The following TASP1 variants were observed in gnomAD, a reference collection of about 807,000 sequenced individuals.
TASP1 encodes the protein threonine aspartase 1.
TASP1 carries 16 observed loss-of-function variants against 56.6 expected under a neutral mutation model. That is an observed-to-expected ratio of 0.28 (90% CI 0.19 to 0.43). TASP1 has a LOEUF of 0.43. TASP1 is among the 20% of genes least tolerant of loss of function. The probability of loss-of-function intolerance (pLI) is 1.00; values close to 1 mark genes in which losing one functional copy is unlikely to be tolerated. For synonymous variants in TASP1, 179 were observed against 184.2 expected (o/e 0.97, Z 0.23); for missense variants, 393 against 511.6 (o/e 0.77, Z 2.24).
At chr20:13,477,069 C>T (rs1302039921) in intron 11 of TASP1, among the ~76,000 whole-genome samples, 1 of 152,012 alleles carries the variant, frequency 6.6e-6, no homozygotes, top group Non-Finnish European at 1.5e-5. Context: ...AAATGATGAT[C>T]ACAGAGGCTA....
At chr20:13,278,984 G>A in the TASP1 span, among the ~76,000 whole-genome samples, 1 of 152,216 alleles carries the variant, frequency 6.6e-6, no homozygotes, top group Non-Finnish European at 1.5e-5. Context: ...TAAGGCCTCT[G>A]TTAATACCTG....
chr20:13,619,706 T>C (rs547816854), intron 4 of TASP1, among the ~76,000 whole-genome samples: 7 of 152,318 alleles, frequency 4.6e-5, no homozygotes, highest in East Asian at 3.9e-4. Flanking sequence ...TCCAAATGTA[T>C]AGTCCCAAAT....
rs117083653 is a variant in TASP1 at position 13,483,574 on chromosome 20, G to A, written c.875-237C>T. Among the ~76,000 whole-genome samples the A allele has an allele frequency of 5.1e-3, 780 of 152,206 alleles. 4 individuals carry two copies. The highest frequency in any genetic ancestry group is 0.012 in the East Asian group (61 of 5,178). ...AAACCAATACAAATTAATATGATACGTAGTTCTCTGTTTAACTAGTATGTG... is the reference window on the plus strand; with the variant it reads ...AAACCAATACAAATTAATATGATACATAGTTCTCTGTTTAACTAGTATGTG... On this transcript the variant is annotated intron_variant, in intron 10 of 13. Coordinates refer to ENST00000337743, the MANE Select transcript of TASP1 (RefSeq NM_017714.3).
chr20:13,203,806 T>C, the TASP1 span, among the ~76,000 whole-genome samples: 1 of 152,232 alleles, frequency 6.6e-6, no homozygotes, highest in Non-Finnish European at 1.5e-5. Context: ...ATTTGTACTG[T>C]CAAATCATCT....
chr20:13,369,362 C>T, the TASP1 span, among the ~76,000 whole-genome samples: 1 of 152,214 alleles, frequency 6.6e-6, no homozygotes, highest in Admixed American at 6.5e-5. Context: ...AGAAGAATCA[C>T]TTGAACCCAG....
At chr20:13,448,004 T>C (rs927289830) in intron 11 of TASP1, among the ~76,000 whole-genome samples, 1 of 152,152 alleles carries the variant, frequency 6.6e-6, no homozygotes, top group Non-Finnish European at 1.5e-5. Flanking sequence ...GTCTCTTTCT[T>C]CTAAGGCTTC....
chr20:13,521,100 T>C (rs2044733734), intron 10 of TASP1, among the ~76,000 whole-genome samples: 2 of 152,050 alleles, frequency 1.3e-5, no homozygotes, highest in South Asian at 2.1e-4. Context: ...GTTAGAATGG[T>C]GATCATTAAA....
intron 6 of TASP1, among the ~76,000 whole-genome samples, chr20:13,573,267 A>T (rs8184309): frequency 6.6e-6 from 1 of 151,984 alleles, no homozygotes; most frequent in Non-Finnish European, 1.5e-5. Flanking sequence ...CTCACCCCCA[A>T]GGTATTGGGA....
chr20:13,544,979 G>A (rs576231716), intron 8 of TASP1, among the ~76,000 whole-genome samples: 1 of 152,140 alleles, frequency 6.6e-6, no homozygotes, highest in Admixed American at 6.5e-5. Flanking sequence ...CCAGACTGTA[G>A]AAAAATATTT....
In TASP1 at chr20:13,629,970, T is replaced by G; in HGVS notation, c.109A>C (p.Lys37Gln). ...AACACAAAGCCTCCTCGTTTCTCTT[T>G]ATAGGACTGCTTTGTTTCCAACTCT... is the stretch of plus-strand genomic sequence containing the variant. ...AKELETKQSYKEKRGGFVLVH... is the reference protein window; with the variant it reads ...AKELETKQSYQEKRGGFVLVH... Residue 37 changes from lysine to glutamine, a missense_variant, in exon 2 of 14, where the codon AAA (lysine) becomes CAA (glutamine). By Grantham distance (53) the Lys-to-Gln change is moderately conservative (BLOSUM62 1). Transcript: ENST00000337743. 1 of 1,614,074 alleles carries G rather than the reference T, an allele frequency of 6.2e-7. No homozygotes were observed. The highest frequency in any genetic ancestry group is 8.5e-7 in the Non-Finnish European group (1 of 1,180,006).
the TASP1 span, chr20:13,239,254 A>AG: frequency 6.6e-6 from 1 of 152,242 alleles, no homozygotes; most frequent in African/African-American, 2.4e-5. Context: ...GGTTCTCCCC[A>AG]GGGACTCATT....
intron 10 of TASP1, among the ~76,000 whole-genome samples, chr20:13,519,454 AG>A (rs1315052226): frequency 3.3e-5 from 5 of 152,194 alleles, no homozygotes; most frequent in African/African-American, 1.2e-4. Flanking sequence ...CTGGGATGCA[AG>A]GCTGGTTCAA....
At chr20:13,504,591 A>G (rs2044062588) in intron 10 of TASP1, among the ~76,000 whole-genome samples, 1 of 152,174 alleles carries the variant, frequency 6.6e-6, no homozygotes, top group African/African-American at 2.4e-5. Flanking sequence ...AATTGATGGT[A>G]TATAAAAGAC....
intron 8 of TASP1, among the ~76,000 whole-genome samples, chr20:13,536,911 A>T (rs1371113672): frequency 6.6e-6 from 1 of 152,114 alleles, no homozygotes; most frequent in African/African-American, 2.4e-5. Flanking sequence ...GTAGAATGGC[A>T]GAAATCAAGC....
the TASP1 span, among the ~76,000 whole-genome samples, chr20:13,187,187 A>G: frequency 6.6e-6 from 1 of 152,194 alleles, no homozygotes; most frequent in South Asian, 2.1e-4. Flanking sequence ...TGAAATGCAA[A>G]CAGAAAAATA....
the TASP1 span, among the ~76,000 whole-genome samples, chr20:13,157,361 C>G: frequency 1.3e-5 from 2 of 151,918 alleles, no homozygotes; most frequent in Non-Finnish European, 2.9e-5. Flanking sequence ...CGCTGGAACC[C>G]GGGAGGTGGA....
chr20:13,572,935 C>A (rs117982095), intron 6 of TASP1, among the ~76,000 whole-genome samples: 1 of 151,922 alleles, frequency 6.6e-6, no homozygotes, highest in Admixed American at 6.6e-5. Context: ...CAGGAACCCC[C>A]GTAATCAAAA....
chr20:13,334,026 C>G, the TASP1 span, among the ~76,000 whole-genome samples: 1 of 152,172 alleles, frequency 6.6e-6, no homozygotes, highest in African/African-American at 2.4e-5. Context: ...TGGCAGAACA[C>G]AGCAAGTTCC....
chr20:13,309,264 T>C, the TASP1 span, among the ~76,000 whole-genome samples: 1 of 151,886 alleles, frequency 6.6e-6, no homozygotes, highest in African/African-American at 2.4e-5. Context: ...GGGGATACTT[T>C]AGAGGTAACA....
Sources: gnomAD v4.1 joint callset for allele counts (sites outside exome capture counted in the v4.1 genomes callset) on GRCh38, gnomAD v4.1.1 for gene constraint, MANE v1.5 for transcripts, NCBI Gene and HGNC (gene_info 2026-07-23, HGNC 2026-07-21) for gene names.